The following DISP3 variants were observed in gnomAD, a reference collection of about 807,000 sequenced individuals.
The protein encoded by DISP3 is protein dispatched homolog 3.
Under a neutral mutation model 135.3 loss-of-function variants are expected in DISP3, and 101 were observed. The observed-to-expected ratio is 0.75, with a 90% CI of 0.64 to 0.88. DISP3 has a LOEUF of 0.88. Ranked by LOEUF, DISP3 falls within the 40% of genes least tolerant of loss-of-function variation. The probability of loss-of-function intolerance (pLI) is 0.00; values close to 1 mark genes in which losing one functional copy is unlikely to be tolerated. For synonymous variants in DISP3, 856 were observed against 817.0 expected, an observed-to-expected ratio of 1.05 and a Z score of -0.81; for missense variants, 1,713 against 1,878.6, an observed-to-expected ratio of 0.91 and a Z score of 1.63.
In DISP3 at chr1:11,535,609, C is replaced by T. The variant is rs147919893; in HGVS notation, c.3781C>T (p.Leu1261=). 5.0e-3 allele frequency: 8,094 copies of T among 1,613,146 alleles called. 21 individuals are homozygous for T. Among genetic ancestry groups the T allele is most frequent in the Middle Eastern group, 0.019 (117 of 6,058 alleles). Residue 1261 remains leucine, a synonymous_variant, in exon 20 of 21, where the codon CTG becomes TTG. Coordinates refer to ENST00000294484, the MANE Select transcript of DISP3 (RefSeq NM_020780.2). Reference sequence around the variant, plus strand: ...CGTCCACCTGGTCGAGGGCTACCTGCTGGCTGGAGAGAACCTGCCCCCCCA... The same window carrying T: ...CGTCCACCTGGTCGAGGGCTACCTGTTGGCTGGAGAGAACCTGCCCCCCCA... The part of the protein sequence containing the change: ...YCVHLVEGYL[L]AGENLPPHQA...
chr1:11,502,436 G>A (rs989351072), intron 2 of DISP3, among the ~76,000 whole-genome samples: 1 of 152,222 alleles, frequency 6.6e-6, no homozygotes, highest in Non-Finnish European at 1.5e-5. Context: ...TAGGAAGGCA[G>A]GAGAAATGAT....
At position 11,499,356 on chromosome 1, in the gene DISP3, C is replaced by T. The variant is rs1019402665; in HGVS notation, c.-3-1634C>T. Among the ~76,000 whole-genome samples the T allele has an allele frequency of 6.6e-6, 1 of 152,108 alleles. No individual in the cohort carries two copies. The highest frequency in any genetic ancestry group is 1.5e-5 in the Non-Finnish European group (1 of 68,020). The stretch of plus-strand genomic sequence containing the variant: ...TCCCATCAGCTTTCTTCTTCTAAGG[C>T]CAAGAATCGGGCAGAGGCTCCCACA... On this transcript the variant is annotated intron_variant, in intron 1 of 20. Transcript: ENST00000294484. This position sits in a 1 kb window ranked among gnomAD's most constrained non-coding sequence, Gnocchi z 5.2.
chr1:11,533,716 C>T (rs2100517627), intron 17 of DISP3: 1 of 392,784 alleles, frequency 2.5e-6, no homozygotes, highest in Non-Finnish European at 4.7e-6. Flanking sequence ...AAGCTGACCC[C>T]ACCAGCACTC....
chr1:11,520,647 TG>T lies in DISP3; in HGVS notation c.2201-37del, dbSNP rs1642158688. On this transcript the variant is annotated intron_variant, in intron 9 of 20. Transcript: ENST00000294484. This position sits in a 1 kb window ranked among gnomAD's most constrained non-coding sequence, Gnocchi z 4.8. ...GGAGCCCCACTGGGAACAGACCAGC[TG>T]GGCCCAGCCCCGCCTGGTGTAGCGC... The T allele has an allele frequency of 6.3e-7, 1 of 1,597,266 alleles. No homozygotes were observed. Among genetic ancestry groups the T allele is most frequent in the Non-Finnish European group, 8.6e-7 (1 of 1,169,500 alleles).
At chr1:11,512,373 G>A (rs1472493638) in intron 3 of DISP3, among the ~76,000 whole-genome samples, 2 of 151,990 alleles carry the variant, frequency 1.3e-5, no homozygotes, top group African/African-American at 2.4e-5. Context: ...ATGCTTTGCT[G>A]CTTAGAAATT....
rs149945445 is a variant in DISP3, at chr1:11,516,244, C to G, written c.1749+83C>G. ...CGCTGGTCTCTGCCCTTCCCACCACCGCTTGAGTGGCCATATAGCCTTCAC... is the reference window on the plus strand; with the variant it reads ...CGCTGGTCTCTGCCCTTCCCACCACGGCTTGAGTGGCCATATAGCCTTCAC... On this transcript the variant is annotated intron_variant, in intron 6 of 20. Transcript: ENST00000294484. This position sits in a 1 kb window ranked among gnomAD's most constrained non-coding sequence, Gnocchi z 5.1. 175 of 1,506,426 alleles carry G rather than the reference C, an allele frequency of 1.2e-4. 1 individual carries two copies. In the African/African-American group the frequency reaches 1.9e-3, roughly 16 times the overall value. The allele number at this position is 1,506,426 out of a possible 1,614,324, so 93.3% of individuals were successfully genotyped here.
Position 11,519,558 on chromosome 1 carries a change from C to G in DISP3, c.2038+55C>G. The G allele has an allele frequency of 1.9e-6, 3 of 1,597,074 alleles. No individual in the cohort carries two copies. Among genetic ancestry groups the G allele is most frequent in the Non-Finnish European group, 2.6e-6 (3 of 1,169,898 alleles). On this transcript the variant is annotated intron_variant, in intron 8 of 20. Coordinates refer to ENST00000294484, the MANE Select transcript of DISP3 (RefSeq NM_020780.2). The surrounding 1 kb of genome is among the most constrained non-coding windows in gnomAD (Gnocchi z 4.3). The stretch of plus-strand genomic sequence containing the variant: ...ACCCCAGTGAGACCCAGCGCTGCCT[C>G]TGCCAGGGGAGTAACACTTGACAAG...
chr1:11,498,945 A>G (rs545078203), intron 1 of DISP3, among the ~76,000 whole-genome samples: 2 of 152,272 alleles, frequency 1.3e-5, no homozygotes, highest in African/African-American at 4.8e-5. Context: ...ACACGCTGCT[A>G]CACTGCCTCT....
At chr1:11,488,354 C>T (rs56199190) in intron 1 of DISP3, among the ~76,000 whole-genome samples, 80 of 152,280 alleles carry the variant, frequency 5.3e-4, no homozygotes, top group Middle Eastern at 3.4e-3. Flanking sequence ...CAGCAAGGGC[C>T]TCTGTGCTGG....
intron 1 of DISP3, chr1:11,481,403 G>C (rs571803371): frequency 6.6e-6 from 1 of 152,310 alleles, no homozygotes; most frequent in East Asian, 1.9e-4. Context: ...AGAACTTTGG[G>C]TGAAGCATTC....
chr1:11,500,165 A>G (rs1242657525), intron 1 of DISP3, among the ~76,000 whole-genome samples: 3 of 152,186 alleles, frequency 2.0e-5, no homozygotes. Context: ...GGAGCTGCAT[A>G]TTAAGTGGCC....
Position 11,507,729 on chromosome 1 carries a change from T to C in DISP3, c.1316+4832T>C, listed in dbSNP as rs184086324. On this transcript the variant is annotated intron_variant, in intron 3 of 20. Coordinates refer to ENST00000294484, the MANE Select transcript of DISP3 (RefSeq NM_020780.2). ...CTCTCTACTGTCATCACAGATAGTT[T>C]CTGAATTTTAGCAGACATTTTAGTA... is the stretch of plus-strand genomic sequence containing the variant. 9.3e-4 allele frequency among the ~76,000 whole-genome samples: 141 copies of C among 152,364 alleles called. 1 individual carries two copies. The highest frequency in any genetic ancestry group is 1.6e-3 in the Admixed American group (24 of 15,304).
intron 3 of DISP3, 132 bp from the exon 4 acceptor site, chr1:11,514,258 T>G: frequency 8.9e-7 from 1 of 1,121,914 alleles, no homozygotes; most frequent in Non-Finnish European, 1.3e-6. Flanking sequence ...CCCAGGTGAT[T>G]TTGATATCCA....
In DISP3 at chr1:11,486,639, C is replaced by A. The variant is rs372116804; in HGVS notation, c.-4+7267C>A. Among the ~76,000 whole-genome samples, 4 of 152,092 alleles carry A rather than the reference C, an allele frequency of 2.6e-5. No homozygotes were observed. The East Asian group carries it at 7.7e-4, about 29-fold the overall frequency. ...ATCTGGGGTGAAAAGGTTCATGGAG[C>A]CTTCAGGAGGAAAGGAGTTGAAGAC... On this transcript the variant is annotated intron_variant, in intron 1 of 20. Transcript: ENST00000294484.
intron 1 of DISP3, among the ~76,000 whole-genome samples, chr1:11,487,476 A>C (rs565004722): frequency 5.9e-5 from 9 of 152,336 alleles, no homozygotes; most frequent in Non-Finnish European, 1.3e-4. Context: ...CGGGAAAAGG[A>C]GGCTTCTGCC....
chr1:11,493,530 C>A (rs1388367935), intron 1 of DISP3, among the ~76,000 whole-genome samples: 1 of 152,078 alleles, frequency 6.6e-6, no homozygotes, highest in Admixed American at 6.5e-5. Flanking sequence ...TCAAGACCAG[C>A]CTGGCCAACA....
At chr1:11,534,807 C>T in intron 18 of DISP3, 1 of 761,378 alleles carries the variant, frequency 1.3e-6, no homozygotes, top group Non-Finnish European at 2.3e-6. Flanking sequence ...GTTACCAGCC[C>T]CTCCTAGGTG....
In DISP3 at chr1:11,536,802, G is replaced by C. The variant is rs941599024; in HGVS notation, c.*116G>C. Reference sequence around the variant, plus strand: ...CAGGCCTGGGCCCAGGGCGCCCTGCGGGCCAGCGTGGAGGCTGACACCCAC... The same window carrying C: ...CAGGCCTGGGCCCAGGGCGCCCTGCCGGCCAGCGTGGAGGCTGACACCCAC... On this transcript the variant is annotated 3_prime_UTR_variant, in exon 21 of 21. Transcript: ENST00000294484. This position sits in a 1 kb window ranked among gnomAD's most constrained non-coding sequence, Gnocchi z 4.3. 3 of 1,327,676 alleles carry C rather than the reference G, an allele frequency of 2.3e-6. No homozygotes were observed. Among genetic ancestry groups the C allele is most frequent in the Non-Finnish European group, 3.0e-6 (3 of 1,002,932 alleles). 82.2% of individuals were successfully genotyped at this position (1,327,676 alleles called of 1,614,324 possible).
chr1:11,487,300 G>A (rs1409801693), intron 1 of DISP3, among the ~76,000 whole-genome samples: 1 of 152,194 alleles, frequency 6.6e-6, no homozygotes, highest in Non-Finnish European at 1.5e-5. Flanking sequence ...CTCTGGATTG[G>A]AGAGAGTCAT....
Sources: allele counts gnomAD v4.1 joint callset (sites outside exome capture counted in the v4.1 genomes callset), GRCh38; gene constraint gnomAD v4.1.1; non-coding constraint Gnocchi (gnomAD v3.1); transcripts MANE v1.5; gene names NCBI Gene and HGNC (gene_info 2026-07-23, HGNC 2026-07-21).